The following BCAS3 variants were observed in gnomAD, a reference collection of about 807,000 sequenced individuals.
BCAS3 encodes BCAS4/BCAS3 fusion.
A neutral mutation model predicts 116.1 loss-of-function variants in BCAS3; 53 were observed. The ratio of observed to expected loss-of-function variants is 0.46; its 90% CI spans 0.37 to 0.57. BCAS3 has a LOEUF of 0.57. Ranked by LOEUF, BCAS3 falls within the 20% of genes least tolerant of loss-of-function variation. The pLI is 0.00. For missense variants in BCAS3, 917 were observed against 1,165.4 expected (o/e 0.79, Z 3.10); for synonymous variants, 391 against 408.2 (o/e 0.96, Z 0.51).
Position 61,034,522 on chromosome 17 carries a change from A to G in BCAS3, c.1638-144A>G. ...CTTTTACTCCAGAACATAGTCTCAC[A>G]TCACCATTTATTACTTAAGGCAAAA... On this transcript the variant is annotated intron_variant, in intron 16 of 23. Transcript: ENST00000407086. The surrounding 1 kb of genome is among the most constrained non-coding windows in gnomAD (Gnocchi z 5.0). 1 of 666,098 alleles carries G rather than the reference A, an allele frequency of 1.5e-6. No individual in the cohort carries two copies. The highest frequency in any genetic ancestry group is 1.9e-5 in the African/African-American group (1 of 53,218). The allele number at this position is 666,098 out of a possible 1,614,324, so 41.3% of individuals were successfully genotyped here.
At chr17:61,120,973 C>T (rs1404011468) in intron 22 of BCAS3, among the ~76,000 whole-genome samples, 1 of 152,072 alleles carries the variant, frequency 6.6e-6, no homozygotes, top group Non-Finnish European at 1.5e-5. Flanking sequence ...GCATTTCCCA[C>T]AGACTGAATT....
chr17:61,078,511 T>G lies in BCAS3; in HGVS notation c.2309T>G (p.Leu770Arg), dbSNP rs1301960771. 6.2e-7 allele frequency: 1 copy of G among 1,613,850 alleles called. No individual in the cohort carries two copies. The highest frequency in any genetic ancestry group is 2.2e-5 in the East Asian group (1 of 44,886). ...QPLLDFDTDD[L>R]DLNSLRIQPV... Reference sequence around the variant, plus strand: ...CTTTTGGATTTTGATACAGATGATCTTGATCTCAACAGTCTCAGGTAGGAA... The same window carrying G: ...CTTTTGGATTTTGATACAGATGATCGTGATCTCAACAGTCTCAGGTAGGAA... The change falls in exon 21 of 24, where the codon CTT becomes CGT. Residue 770 changes from leucine (L) to arginine (R), a missense_variant. Physicochemically the swap from Leu to Arg is moderately radical, Grantham distance 102 (BLOSUM62 -2). Transcript: ENST00000407086.
chr17:61,253,155 C>A (rs927088952), intron 22 of BCAS3, among the ~76,000 whole-genome samples: 2 of 151,718 alleles, frequency 1.3e-5, no homozygotes, highest in Non-Finnish European at 2.9e-5. Flanking sequence ...GGATTACAGG[C>A]ATGAGCCACT....
rs1224725246 is a variant in BCAS3 at position 61,377,245 on chromosome 17, CAGAT to C, written c.2593+8755_2593+8758del. ...AGTGTCCCCAGAGGCACAGGGCCAC[CAGAT>C]AGAGAGCCCAGTCCCACCAGCAGGT... On this transcript the variant is annotated intron_variant, in intron 23 of 23. Transcript: ENST00000407086. This position sits in a 1 kb window ranked among gnomAD's most constrained non-coding sequence, Gnocchi z 4.6. 3.9e-5 allele frequency among the ~76,000 whole-genome samples: 6 copies of C among 152,184 alleles called. No individual in the cohort carries two copies. The East Asian group carries it at 1.2e-3, about 29-fold the overall frequency.
rs62069655 is a variant in BCAS3 at position 61,348,744 on chromosome 17, G to T, written c.2426-19583G>T. Among the ~76,000 whole-genome samples, 1,361 of 142,396 alleles carry T rather than the reference G, an allele frequency of 9.6e-3. 8 individuals are homozygous for T. The highest frequency in any genetic ancestry group is 0.029 in the Middle Eastern group (8 of 280). The allele number at this position is 142,396 out of a possible 152,430, so 93.4% of individuals were successfully genotyped here. A position where few individuals can be genotyped will look rare whatever the true frequency, so the allele number is the denominator to read the frequency against. On this transcript the variant is annotated intron_variant, in intron 22 of 23. Coordinates refer to ENST00000407086, the MANE Select transcript of BCAS3 (RefSeq NM_017679.5). The surrounding 1 kb of genome is among the most constrained non-coding windows in gnomAD (Gnocchi z 4.5). ...GTCACGTGCTTCTTGCAACCTCTTG[G>T]GCAGAGATTCTTTTTTTTTTTTTTT...
At chr17:61,221,638 C>T (rs866651217) in intron 22 of BCAS3, among the ~76,000 whole-genome samples, 1 of 152,186 alleles carries the variant, frequency 6.6e-6, no homozygotes, top group South Asian at 2.1e-4. Context: ...TCTCCTAAAG[C>T]TGCTGTTGCT....
At chr17:61,005,384 A>C (rs1458041412) in intron 15 of BCAS3, among the ~76,000 whole-genome samples, 2 of 152,010 alleles carry the variant, frequency 1.3e-5, no homozygotes, top group Non-Finnish European at 2.9e-5. Flanking sequence ...GAAAATATGT[A>C]AGCATATTTT....
At chr17:60,940,502 T>TAA (rs1236831504) in intron 13 of BCAS3, among the ~76,000 whole-genome samples, 1 of 152,232 alleles carries the variant, frequency 6.6e-6, no homozygotes, top group Non-Finnish European at 1.5e-5. Context: ...AATCTGACTT[T>TAA]AATAAGCTAT....
At chr17:61,250,441 A>ATTT (rs1279795717) in intron 22 of BCAS3, among the ~76,000 whole-genome samples, 1 of 152,166 alleles carries the variant, frequency 6.6e-6, no homozygotes. Flanking sequence ...CTTGTTTTTC[A>ATTT]TTTTAAAGAG....
At chr17:60,933,896 T>C (rs923226938) in intron 13 of BCAS3, among the ~76,000 whole-genome samples, 7 of 152,230 alleles carry the variant, frequency 4.6e-5, no homozygotes, top group Admixed American at 1.3e-4. Context: ...GTACTTACTC[T>C]CTTGTTTCAT....
chr17:61,092,439 G>A (rs1357473736), intron 22 of BCAS3, among the ~76,000 whole-genome samples: 2 of 152,080 alleles, frequency 1.3e-5, no homozygotes, highest in South Asian at 2.1e-4. Flanking sequence ...AACTTTATTA[G>A]GAACTGCCAA....
In BCAS3 at chr17:60,814,306, T is replaced by TGTGTGTGTGCGCGCGTGCGC. The variant is rs368289350; in HGVS notation, c.476+6231_476+6232insTGTGTGTGCGCGCGTGCGCG. ...GTGTGTGTGTGTGTGTGTGTGTGTG[T>TGTGTGTGTGCGCGCGTGCGC]GCGCGCGTGCCCATTGCAAATGGGA... On this transcript the variant is annotated intron_variant, in intron 7 of 23. Coordinates refer to ENST00000407086, the MANE Select transcript of BCAS3 (RefSeq NM_017679.5). Among the ~76,000 whole-genome samples, 137 of 148,298 alleles carry TGTGTGTGTGCGCGCGTGCGC rather than the reference T, an allele frequency of 9.2e-4. 1 individual carries two copies. Among genetic ancestry groups the TGTGTGTGTGCGCGCGTGCGC allele is most frequent in the African/African-American group, 3.3e-3 (130 of 39,894 alleles).
chr17:60,896,083 T>A (rs1847532961), intron 10 of BCAS3, among the ~76,000 whole-genome samples: 1 of 152,220 alleles, frequency 6.6e-6, no homozygotes, highest in African/African-American at 2.4e-5. Context: ...CCCAGCACTT[T>A]GGGAGGCCAA....
rs375741742 is a variant in BCAS3 at position 61,211,670 on chromosome 17, TA to T, written c.2425+127122del. ...TGTTTGCATCCAGGTCATTTCTCCA[TA>T]AAAAAAAAAAAAAAATGCCACTGAC... is the stretch of plus-strand genomic sequence containing the variant. On this transcript the variant is annotated intron_variant, in intron 22 of 23. Transcript: ENST00000407086. This position sits in a 1 kb window ranked among gnomAD's most constrained non-coding sequence, Gnocchi z 4.4. Among the ~76,000 whole-genome samples the T allele has an allele frequency of 0.019, 1,637 of 86,634 alleles. 27 individuals carry two copies. The highest frequency in any genetic ancestry group is 0.042 in the African/African-American group (1,484 of 35,414). 56.8% of individuals were successfully genotyped at this position (86,634 alleles called of 152,430 possible). A position where few individuals can be genotyped will look rare whatever the true frequency, so the allele number is the denominator to read the frequency against.
At chr17:61,059,555 G>A (rs192309006) in intron 19 of BCAS3, among the ~76,000 whole-genome samples, 28 of 152,302 alleles carry the variant, frequency 1.8e-4, no homozygotes, top group African/African-American at 6.5e-4. Flanking sequence ...CCCTTCTTCC[G>A]TGAGGTCTTT....
At chr17:60,755,339 T>G (rs1187645369) in intron 6 of BCAS3, among the ~76,000 whole-genome samples, 1 of 152,214 alleles carries the variant, frequency 6.6e-6, no homozygotes, top group Non-Finnish European at 1.5e-5. Context: ...TTGTATACAT[T>G]ATTACCACTT....
intron 22 of BCAS3, among the ~76,000 whole-genome samples, chr17:61,195,950 T>C (rs1388030951): frequency 2.0e-5 from 3 of 152,248 alleles, no homozygotes; most frequent in Non-Finnish European, 4.4e-5. Flanking sequence ...TTTATCTTTT[T>C]GTGCTGTTAA....
At chr17:60,681,468 C>G (rs1251802434) in intron 2 of BCAS3, among the ~76,000 whole-genome samples, 3 of 151,184 alleles carry the variant, frequency 2.0e-5, no homozygotes, top group Non-Finnish European at 4.4e-5. Context: ...CCACTGCACT[C>G]CAGCCTGGGG....
intron 6 of BCAS3, among the ~76,000 whole-genome samples, chr17:60,751,627 C>T (rs1450970534): frequency 6.6e-6 from 1 of 151,538 alleles, no homozygotes; most frequent in Non-Finnish European, 1.5e-5. Context: ...ACCACAACCT[C>T]CATCTTCTGG....
Sources: allele counts gnomAD v4.1 joint callset (sites outside exome capture counted in the v4.1 genomes callset), GRCh38; gene constraint gnomAD v4.1.1; non-coding constraint Gnocchi (gnomAD v3.1); transcripts MANE v1.5; gene names NCBI Gene and HGNC (gene_info 2026-07-23, HGNC 2026-07-21).